Variants in GPC3 observed in about 807,000 individuals in gnomAD.
GPC3 encodes glypican-3.
In GPC3, 3 loss-of-function variants were observed where a neutral mutation model predicts 34.4. The observed-to-expected ratio is 0.09, with a 90% confidence interval of 0.04 to 0.23. The LOEUF is 0.23. Ranked by LOEUF, GPC3 falls within the 10% of genes least tolerant of loss-of-function variation. The pLI, the probability that GPC3 is intolerant of heterozygous loss-of-function variation, is 1.00. For synonymous variants in GPC3, 177 were observed against 174.0 expected (o/e 1.02, Z -0.13); for missense variants, 351 against 445.6 (o/e 0.79, Z 1.91).
At chrX:133,840,019 G>C (rs747695045) in intron 2 of GPC3, among the ~76,000 whole-genome samples, 1 of 108,691 alleles carries the variant, frequency 9.2e-6, no homozygotes, top group East Asian at 2.9e-4. Flanking sequence ...TCATAACTTT[G>C]AACACTAAAA....
At chrX:133,680,974 A>G (rs1409855410) in intron 5 of GPC3, among the ~76,000 whole-genome samples, 1 of 111,743 alleles carries the variant, frequency 8.9e-6, no homozygotes, top group Non-Finnish European at 1.9e-5. Flanking sequence ...GTTTTTGCAG[A>G]AAAAAGAGGA....
chrX:133,751,567 T>G (rs756156851), intron 3 of GPC3, among the ~76,000 whole-genome samples: 4 of 112,088 alleles, frequency 3.6e-5, no homozygotes, highest in Non-Finnish European at 7.5e-5. Context: ...ATGCTGAGGG[T>G]TGCATCATTT....
chrX:133,938,428 G>A (rs1187262103), intron 2 of GPC3, among the ~76,000 whole-genome samples: 1 of 111,788 alleles, frequency 8.9e-6, no homozygotes, highest in African/African-American at 3.2e-5. Flanking sequence ...CTAATAAAGT[G>A]TTTCCAAGTA....
intron 2 of GPC3, among the ~76,000 whole-genome samples, chrX:133,895,279 T>C (rs2076106431): frequency 8.9e-6 from 1 of 111,929 alleles, no homozygotes; most frequent in African/African-American, 3.3e-5. Flanking sequence ...GAGAAAGAGA[T>C]GTCTTCCTTT....
chrX:133,957,335 A>G (rs1403186003), intron 1 of GPC3, among the ~76,000 whole-genome samples: 1 of 112,740 alleles, frequency 8.9e-6, no homozygotes, highest in Non-Finnish European at 1.9e-5. Context: ...TTTCATATAA[A>G]TTTCAGTAAA....
intron 6 of GPC3, among the ~76,000 whole-genome samples, chrX:133,610,293 A>T (rs998502509): frequency 2.7e-5 from 3 of 111,100 alleles, no homozygotes; most frequent in African/African-American, 9.8e-5. Flanking sequence ...CTTACTTGGA[A>T]TCCTTCCCTA....
intron 5 of GPC3, among the ~76,000 whole-genome samples, chrX:133,663,949 G>C (rs1390843772): frequency 1.8e-5 from 2 of 112,172 alleles, no homozygotes; most frequent in African/African-American, 6.5e-5. Flanking sequence ...ATGAATTTCT[G>C]TGATCTGAAT....
chrX:133,896,368 A>G (rs1306466434), intron 2 of GPC3, among the ~76,000 whole-genome samples: 1 of 110,108 alleles, frequency 9.1e-6, no homozygotes, highest in Admixed American at 9.7e-5. Flanking sequence ...CTCAGAAAAA[A>G]AAAAAAAAAG....
At chrX:133,701,854 G>GA (rs201817640) in intron 3 of GPC3, among the ~76,000 whole-genome samples, 4 of 109,803 alleles carry the variant, frequency 3.6e-5, no homozygotes, top group Admixed American at 9.7e-5. Flanking sequence ...TCTCGAATTA[G>GA]AAAAAAAAAT....
At chrX:133,780,318 T>C (rs1206901034) in intron 2 of GPC3, among the ~76,000 whole-genome samples, 3 of 112,117 alleles carry the variant, frequency 2.7e-5, no homozygotes, top group Admixed American at 9.5e-5. Flanking sequence ...CAAAACTATT[T>C]CAGAGTATCC....
At chrX:133,811,460 G>A (rs1416637151) in intron 2 of GPC3, among the ~76,000 whole-genome samples, 2 of 111,146 alleles carry the variant, frequency 1.8e-5, no homozygotes, top group Non-Finnish European at 1.9e-5. Context: ...TTTGTTTTTC[G>A]GTTTTTGGTT....
At chrX:133,632,798 T>C (rs367865654) in intron 6 of GPC3, among the ~76,000 whole-genome samples, 4 of 111,730 alleles carry the variant, frequency 3.6e-5, no homozygotes, top group African/African-American at 1.3e-4. Flanking sequence ...ATTTCTCTTA[T>C]ATGCCCCAGT....
At chrX:133,784,311 T>G (rs764739493) in intron 2 of GPC3, among the ~76,000 whole-genome samples, 1 of 111,836 alleles carries the variant, frequency 8.9e-6, no homozygotes, top group Non-Finnish European at 1.9e-5. Context: ...GAAGTTACAC[T>G]TTAACTATTC....
At chrX:133,589,707 C>T (rs2069828001) in intron 7 of GPC3, among the ~76,000 whole-genome samples, 1 of 111,579 alleles carries the variant, frequency 9.0e-6, no homozygotes, top group Non-Finnish European at 1.9e-5. Flanking sequence ...CCATGTGGAA[C>T]CGTGAGTCCA....
At chrX:133,789,136 G>A (rs1282004457) in intron 2 of GPC3, among the ~76,000 whole-genome samples, 3 of 111,051 alleles carry the variant, frequency 2.7e-5, no homozygotes. Context: ...CTCAAGAGAC[G>A]GTCATATGCA....
chrX:133,752,473 C>G (rs757983841), intron 3 of GPC3, among the ~76,000 whole-genome samples: 6 of 111,543 alleles, frequency 5.4e-5, no homozygotes, highest in Non-Finnish European at 1.1e-4. Context: ...CAGCATAGCA[C>G]TTGAGATGTA....
chrX:133,834,992 T>A (rs749382499), intron 2 of GPC3, among the ~76,000 whole-genome samples: 179 of 112,370 alleles, frequency 1.6e-3, no homozygotes, highest in Non-Finnish European at 2.9e-3. Flanking sequence ...CTTATCTAGA[T>A]ACTTCATGGC....
At chrX:133,915,304 G>A (rs932744921) in intron 2 of GPC3, among the ~76,000 whole-genome samples, 3 of 110,047 alleles carry the variant, frequency 2.7e-5, no homozygotes, top group African/African-American at 9.9e-5. Context: ...CTCCCAAGCA[G>A]CTAGGATTAC....
At chrX:133,822,850 CTGGCATGG>C (rs1239038607) in intron 2 of GPC3, among the ~76,000 whole-genome samples, 1 of 110,691 alleles carries the variant, frequency 9.0e-6, no homozygotes, top group Non-Finnish European at 1.9e-5. Context: ...ACTAAACAGC[CTGGCATGG>C]TGGCTCATGC....
Sources: allele counts gnomAD v4.1 joint callset (sites outside exome capture counted in the v4.1 genomes callset), GRCh38; gene constraint gnomAD v4.1.1; transcripts MANE v1.5; gene names NCBI Gene and HGNC (gene_info 2026-07-23, HGNC 2026-07-21).